Variants in TTC27 observed in about 807,000 individuals in gnomAD.
TTC27 encodes the protein tetratricopeptide repeat protein 27.
In TTC27, 79 loss-of-function variants were observed where a neutral mutation model predicts 115.9. The observed-to-expected ratio is 0.68, with a 90% CI of 0.57 to 0.82. TTC27 has a LOEUF of 0.82. Among genes scored for constraint, TTC27 ranks in the 40% least tolerant of loss-of-function variants. The pLI is 0.00. For missense variants in TTC27, 1,054 were observed against 993.1 expected (o/e 1.06, Z -0.82); for synonymous variants, 401 against 356.0 (o/e 1.13, Z -1.42).
At chr2:32,704,838 A>T in intron 10 of TTC27, 1 of 470,752 alleles carries the variant, frequency 2.1e-6, no homozygotes, top group Non-Finnish European at 4.4e-6. Flanking sequence ...TGTAGAAATG[A>T]TGTAGTACTC....
intron 2 of TTC27, 38 bp from the exon 3 acceptor site, chr2:32,633,838 T>C: frequency 6.3e-7 from 1 of 1,597,344 alleles, no homozygotes; most frequent in Non-Finnish European, 8.6e-7. Flanking sequence ...ACAGTGATAG[T>C]AGTTCATATT....
At position 32,649,246 on chromosome 2, in the gene TTC27, G is replaced by C. The variant is rs150718745; in HGVS notation, c.538-885G>C. ...ATCTTCTCAGATTGGGGGAACATCT[G>C]AATCCAAGGTATTTCTTACTGTGTA... On this transcript the variant is annotated intron_variant, in intron 4 of 19. Transcript: ENST00000317907. 5.0e-3 allele frequency among the ~76,000 whole-genome samples: 767 copies of C among 152,202 alleles called. 10 individuals carry two copies. The highest frequency in any genetic ancestry group is 3.7e-3 in the Non-Finnish European group (253 of 68,000).
At position 32,787,167 on chromosome 2, in the gene TTC27, C is replaced by T. The variant is rs756429742; in HGVS notation, c.1998+18C>T. The stretch of plus-strand genomic sequence containing the variant: ...ATGTTCAGGTAGGATATTCCTATTC[C>T]GTTATTTCAGTTTGTGTTTGATACT... On this transcript the variant is annotated intron_variant, in intron 16 of 19. Coordinates refer to ENST00000317907, the MANE Select transcript of TTC27 (RefSeq NM_017735.5). 34 of 1,596,106 alleles carry T rather than the reference C, an allele frequency of 2.1e-5. No individual in the cohort carries two copies. The highest frequency in any genetic ancestry group is 8.9e-5 in the Admixed American group (5 of 56,080).
chr2:32,691,416 A>G (rs1326323863), intron 9 of TTC27, among the ~76,000 whole-genome samples: 1 of 150,960 alleles, frequency 6.6e-6, no homozygotes, highest in Non-Finnish European at 1.5e-5. Context: ...CTCCTGCCTC[A>G]GTCTTCCAAG....
At chr2:32,666,793 A>G (rs1437803218) in intron 7 of TTC27, 25 bp downstream of exon 7, 3 of 1,608,912 alleles carry the variant, frequency 1.9e-6, no homozygotes, top group Non-Finnish European at 2.5e-6. Flanking sequence ...AAGTTATTAA[A>G]TTCAATTAAC....
chr2:32,628,276 C>T lies in TTC27; in HGVS notation c.-17C>T. The T allele has an allele frequency of 6.3e-7, 1 of 1,597,464 alleles. No homozygotes were observed. Among genetic ancestry groups the T allele is most frequent in the Non-Finnish European group, 8.5e-7 (1 of 1,173,824 alleles). ...CCCTCGTGGGAGCCTGTTTTGGCTG[C>T]AGCGGTGTCTGGGGTGATGTGGACC... On this transcript the variant is annotated 5_prime_UTR_variant, in exon 1 of 20. Coordinates refer to ENST00000317907, the MANE Select transcript of TTC27 (RefSeq NM_017735.5).
intron 12 of TTC27, among the ~76,000 whole-genome samples, chr2:32,757,313 C>T (rs1276779957): frequency 1.3e-5 from 2 of 152,140 alleles, no homozygotes; most frequent in East Asian, 1.9e-4. Context: ...GTCACAGTGG[C>T]GACACCTGGA....
intron 13 of TTC27, among the ~76,000 whole-genome samples, chr2:32,774,767 A>T (rs144542469): frequency 2.0e-5 from 3 of 152,212 alleles, no homozygotes; most frequent in Admixed American, 6.5e-5. Flanking sequence ...TAGTCCCCCA[A>T]ATTCTGAAGA....
At chr2:32,798,186 C>T (rs1357426312) in intron 16 of TTC27, among the ~76,000 whole-genome samples, 1 of 150,768 alleles carries the variant, frequency 6.6e-6, no homozygotes, top group African/African-American at 2.4e-5. Context: ...GCGGGCAGAT[C>T]ATGAGGTCAG....
At chr2:32,701,490 G>T (rs1035686929) in intron 9 of TTC27, among the ~76,000 whole-genome samples, 2 of 152,190 alleles carry the variant, frequency 1.3e-5, no homozygotes, top group Admixed American at 6.5e-5. Flanking sequence ...ATAGAGGTGT[G>T]AGATTGAGCA....
intron 12 of TTC27, among the ~76,000 whole-genome samples, chr2:32,749,099 C>A (rs1179750578): frequency 6.6e-6 from 1 of 152,158 alleles, no homozygotes; most frequent in African/African-American, 2.4e-5. Context: ...CTGTTGATTG[C>A]CTTTTCCCTG....
intron 15 of TTC27, among the ~76,000 whole-genome samples, chr2:32,783,055 A>G (rs995144057): frequency 6.6e-6 from 1 of 152,212 alleles, no homozygotes; most frequent in African/African-American, 2.4e-5. Flanking sequence ...AATATAAATA[A>G]ATATGAACCA....
At chr2:32,643,909 G>A (rs1664748619) in intron 4 of TTC27, among the ~76,000 whole-genome samples, 1 of 151,708 alleles carries the variant, frequency 6.6e-6, no homozygotes, top group Non-Finnish European at 1.5e-5. Flanking sequence ...TCTGGGCATG[G>A]TGGTTCACGC....
At chr2:32,635,591 G>C (rs1664389141) in intron 3 of TTC27, among the ~76,000 whole-genome samples, 1 of 152,116 alleles carries the variant, frequency 6.6e-6, no homozygotes, top group Admixed American at 6.5e-5. Flanking sequence ...GGCTGAGGCA[G>C]GACAATTGCT....
At chr2:32,733,755 A>G (rs1668366768) in intron 10 of TTC27, 73 bp from the exon 11 acceptor site, 2 of 889,284 alleles carry the variant, frequency 2.2e-6, no homozygotes, top group Admixed American at 2.5e-5. Flanking sequence ...CATTTGTATA[A>G]CTATTACAAT....
At chr2:32,803,993 C>T (rs571822902) in intron 16 of TTC27, among the ~76,000 whole-genome samples, 7 of 143,976 alleles carry the variant, frequency 4.9e-5, no homozygotes, top group East Asian at 4.0e-4. Flanking sequence ...GGCGACAGAG[C>T]GAGACTCCAT....
intron 12 of TTC27, among the ~76,000 whole-genome samples, chr2:32,745,054 CAAAAAAAAAAAAAAAAA>C (rs57044153): frequency 0.024 from 1,187 of 49,950 alleles, 52 homozygotes; most frequent in African/African-American, 0.095. Context: ...AACTCTGTCT[CAAAAAAAAAAAAAAAAA>C]AAAAAAAAAA....
intron 15 of TTC27, among the ~76,000 whole-genome samples, chr2:32,784,420 T>C (rs1670282781): frequency 6.6e-6 from 1 of 152,250 alleles, no homozygotes; most frequent in African/African-American, 2.4e-5. Flanking sequence ...CAATTATTAA[T>C]GCTTCTCTCA....
intron 8 of TTC27, among the ~76,000 whole-genome samples, chr2:32,676,563 C>T (rs1176153918): frequency 1.4e-5 from 2 of 143,860 alleles, no homozygotes; most frequent in African/African-American, 2.6e-5. Flanking sequence ...ACGATCTTGG[C>T]TCACTGCAAC....
Sources: gnomAD v4.1 joint callset for allele counts (sites outside exome capture counted in the v4.1 genomes callset) on GRCh38, gnomAD v4.1.1 for gene constraint, MANE v1.5 for transcripts, NCBI Gene and HGNC (gene_info 2026-07-23, HGNC 2026-07-21) for gene names.